The following TASOR2 variants were observed in gnomAD, a reference collection of about 807,000 sequenced individuals.
TASOR2 encodes the protein transcription activation suppressor family member 2.
A neutral mutation model predicts 199.5 loss-of-function variants in TASOR2; 84 were observed. The ratio of observed to expected loss-of-function variants is 0.42; its 90% CI spans 0.35 to 0.50. The LOEUF (loss-of-function observed/expected upper bound fraction) is 0.50. Ranked by LOEUF, TASOR2 falls within the 20% of genes least tolerant of loss-of-function variation. TASOR2 has a pLI of 0.02. For missense variants in TASOR2, 2,796 were observed against 2,835.9 expected (o/e 0.99, Z 0.32); for synonymous variants, 1,103 against 1,046.6 (o/e 1.05, Z -1.04).
rs1491214886 is a variant in TASOR2 at position 5,702,660 on chromosome 10, TTG to T, written c.-287-10162_-287-10161del. ...ATTTTTTTTTTTTTTTTTTTTTTTT[TTG>T]GTAAGTAAGGATAGATACGACAGCC... On this transcript the variant is annotated intron_variant, in intron 1 of 20. Coordinates refer to ENST00000328090, the Ensembl canonical transcript of TASOR2. 2.2e-4 allele frequency among the ~76,000 whole-genome samples: 14 copies of T among 63,702 alleles called. 1 individual carries two copies. The East Asian group carries it at 2.6e-3, about 12-fold the overall frequency. 41.8% of individuals were successfully genotyped at this position (63,702 alleles called of 152,430 possible). A position where few individuals can be genotyped will look rare whatever the true frequency, so the allele number is the denominator to read the frequency against.
At chr10:5,760,327 C>T (rs188739314) in intron 18 of TASOR2, among the ~76,000 whole-genome samples, 74 of 152,324 alleles carry the variant, frequency 4.9e-4, no homozygotes, top group Admixed American at 2.0e-3. Context: ...TGCCCGTACT[C>T]ACTGCTGTTG....
rs200874614 is a variant in TASOR2 at position 5,717,773 on chromosome 10, C to T, written c.-100+23C>T. The T allele has an allele frequency of 2.4e-5, 23 of 940,498 alleles. No homozygotes were observed. The African/African-American group carries it at 2.7e-4, about 11-fold the overall frequency. The allele number at this position is 940,498 out of a possible 1,614,324, so 58.3% of individuals were successfully genotyped here. On this transcript the variant is annotated intron_variant, in intron 3 of 20. Coordinates refer to ENST00000328090, the Ensembl canonical transcript of TASOR2. The stretch of plus-strand genomic sequence containing the variant: ...AAGGTAAAGCTTAAATGTGCTGTTA[C>T]GTGATTTCCTTTTAAAGTTTAAGGT...
chr10:5,688,395 A>ATTTTTTTTTTTTT (rs34362647), intron 1 of TASOR2, among the ~76,000 whole-genome samples: 2 of 99,892 alleles, frequency 2.0e-5, no homozygotes, highest in Non-Finnish European at 3.8e-5. Context: ...CTAATTTTTA[A>ATTTTTTTTTTTTT]TTTTTTTTTT....
chr10:5,733,288 A>C (rs1415025093), intron 11 of TASOR2, among the ~76,000 whole-genome samples: 1 of 152,130 alleles, frequency 6.6e-6, no homozygotes, highest in Non-Finnish European at 1.5e-5. Context: ...CGGGTGGATC[A>C]CTTGAGGCCA....
intron 16 of TASOR2, 66 bp downstream of exon 17, chr10:5,756,804 C>T: frequency 2.0e-6 from 3 of 1,514,168 alleles, no homozygotes; most frequent in Non-Finnish European, 2.7e-6. Flanking sequence ...AATGCTCAGA[C>T]TCATCCCTCT....
At chr10:5,747,594 C>G in exon 15 of TASOR2, 1 of 1,614,140 alleles carries the variant, frequency 6.2e-7, no homozygotes, top group Non-Finnish European at 8.5e-7. Flanking sequence ...CTGATTTTCC[C>G]TTTGATTCTG....
rs1029335124 is a variant in TASOR2 at position 5,698,090 on chromosome 10, A to T, written c.-288+12915A>T. Among the ~76,000 whole-genome samples the T allele has an allele frequency of 6.6e-6, 1 of 152,176 alleles. No individual in the cohort carries two copies. ...TCCATGACCCTATGCAGTTCCTTTC[A>T]TTAAAGTGACAGAGATATTTCCCTA... On this transcript the variant is annotated intron_variant, in intron 1 of 20. Coordinates refer to ENST00000328090, the Ensembl canonical transcript of TASOR2. The surrounding 1 kb of genome is among the most constrained non-coding windows in gnomAD (Gnocchi z 4.4).
rs1182109797 is a variant in TASOR2, at chr10:5,752,731, T to C, written c.6606+2704T>C. 6.6e-6 allele frequency among the ~76,000 whole-genome samples: 1 copy of C among 152,216 alleles called. No individual in the cohort carries two copies. Among genetic ancestry groups the C allele is most frequent in the Non-Finnish European group, 1.5e-5 (1 of 68,040 alleles). On this transcript the variant is annotated intron_variant, in intron 15 of 20. Transcript: ENST00000328090. The surrounding 1 kb of genome is among the most constrained non-coding windows in gnomAD (Gnocchi z 4.4). ...ATAAAGATTTCTTGGTCTGCCCTGC[T>C]CTTCTCATATGGAGGTGTGTAGCTG...
chr10:5,724,564 T>A, intron 8 of TASOR2, 31 bp downstream of exon 9: 1 of 932,798 alleles, frequency 1.1e-6, no homozygotes, highest in Non-Finnish European at 1.4e-6. Context: ...ATATAATTAT[T>A]ATGTTTTTCT....
rs746656002 is a variant in TASOR2 at position 5,748,524 on chromosome 10, T to C, written c.5103T>C (p.Ala1701=). 2 of 1,613,690 alleles carry C rather than the reference T, an allele frequency of 1.2e-6. No homozygotes were observed. The highest frequency in any genetic ancestry group is 1.7e-6 in the Non-Finnish European group (2 of 1,180,038). The change falls in exon 15 of 21, where the codon GCT becomes GCC. Residue 1701 remains alanine, a synonymous_variant. Transcript: ENST00000328090. This position sits in a 1 kb window ranked among gnomAD's most constrained non-coding sequence, Gnocchi z 5.1. ...TGCTTAAGAATGGTGAGCCTGAAGCTGAGTTACATAAAGAAACCACAGGTC... is the reference window on the plus strand; with the variant it reads ...TGCTTAAGAATGGTGAGCCTGAAGCCGAGTTACATAAAGAAACCACAGGTC...
Position 5,720,772 on chromosome 10 carries a change from A to T in TASOR2, c.44A>T (p.Asn15Ile). The T allele has an allele frequency of 6.2e-7, 1 of 1,611,850 alleles. No homozygotes were observed. The highest frequency in any genetic ancestry group is 8.5e-7 in the Non-Finnish European group (1 of 1,179,396). The stretch of plus-strand genomic sequence containing the variant: ...TCTGCTAGACTTGAACGCAGTGAAA[A>T]TGGTAAGAAATAGTTCATTGATTCT... The change falls in exon 5 of 21, where the codon AAT (asparagine) becomes ATT (isoleucine). Residue 15 changes from asparagine (N) to isoleucine (I), a missense_variant and splice_region_variant. Asn to Ile is a moderately radical substitution (Grantham distance 149). Coordinates refer to ENST00000328090, the Ensembl canonical transcript of TASOR2. This position sits in a 1 kb window ranked among gnomAD's most constrained non-coding sequence, Gnocchi z 5.3.
At chr10:5,712,326 G>A (rs1426827174) in intron 1 of TASOR2, 12 of 1,101,700 alleles carry the variant, frequency 1.1e-5, no homozygotes, top group Non-Finnish European at 1.1e-6. Context: ...GTGATATTCA[G>A]TGTGTCTCCC....
chr10:5,688,681 A>G (rs1166202565), intron 1 of TASOR2, among the ~76,000 whole-genome samples: 1 of 152,138 alleles, frequency 6.6e-6, no homozygotes, highest in Admixed American at 6.5e-5. Context: ...TGAATTGTGC[A>G]GCTCTTTCAC....
chr10:5,686,640 A>ATGTG (rs1182487300), intron 1 of TASOR2, among the ~76,000 whole-genome samples: 1 of 152,206 alleles, frequency 6.6e-6, no homozygotes, highest in Non-Finnish European at 1.5e-5. Context: ...CGCTCAAAAG[A>ATGTG]TGTGTTTTTA....
chr10:5,729,315 T>C (rs1202724451), intron 10 of TASOR2, among the ~76,000 whole-genome samples: 1 of 146,012 alleles, frequency 6.8e-6, no homozygotes, highest in Non-Finnish European at 1.5e-5. Flanking sequence ...ACCACTGCAC[T>C]CCAGCCTGGG....
At chr10:5,755,799 C>T (rs1429630572) in intron 15 of TASOR2, among the ~76,000 whole-genome samples, 1 of 151,666 alleles carries the variant, frequency 6.6e-6, no homozygotes, top group Non-Finnish European at 1.5e-5. Context: ...TGCTTGAGGC[C>T]AGCCTGAGCA....
At chr10:5,717,667 A>C in exon 3 of TASOR2, 4 of 1,217,678 alleles carry the variant, frequency 3.3e-6, no homozygotes, top group Non-Finnish European at 4.1e-6. Context: ...AGGTGTATAC[A>C]TTTCCAAATA....
rs57228390 is a variant in TASOR2, at chr10:5,762,511, GT to G, written c.7175-6del. 0.023 allele frequency: 13,255 copies of G among 586,152 alleles called. 44 individuals carry two copies. Among genetic ancestry groups the G allele is most frequent in the South Asian group, 0.061 (1,793 of 29,426 alleles). The allele number at this position is 586,152 out of a possible 1,614,324, so 36.3% of individuals were successfully genotyped here. ...ACATTAATTATATTAACCAAAAGTTGTTTTTTTTTTTTTTTAACAGACAAGC... is the reference window on the plus strand; with the variant it reads ...ACATTAATTATATTAACCAAAAGTTGTTTTTTTTTTTTTTAACAGACAAGC... On this transcript the variant is annotated intron_variant, in intron 19 of 20. Coordinates refer to ENST00000328090, the Ensembl canonical transcript of TASOR2.
chr10:5,757,951 G>T (rs1032892470), intron 17 of TASOR2, among the ~76,000 whole-genome samples: 1 of 151,842 alleles, frequency 6.6e-6, no homozygotes, highest in Admixed American at 6.6e-5. Context: ...ACAAATTCAG[G>T]ATTTTATTAT....
Sources: allele counts gnomAD v4.1 joint callset (sites outside exome capture counted in the v4.1 genomes callset), GRCh38; gene constraint gnomAD v4.1.1; non-coding constraint Gnocchi (gnomAD v3.1); transcripts MANE v1.5; gene names NCBI Gene and HGNC (gene_info 2026-07-23, HGNC 2026-07-21).